ITGB3BP: variants seen among roughly 807,000 people sequenced by gnomAD.
The protein encoded by ITGB3BP is integrin subunit beta 3 binding protein.
ITGB3BP carries 27 observed loss-of-function variants against 29.1 expected under a neutral mutation model. The ratio of observed to expected loss-of-function variants is 0.93; its 90% CI spans 0.68 to 1.28. ITGB3BP has a LOEUF of 1.28. ITGB3BP is among the 50% of genes most tolerant of loss of function. The probability of loss-of-function intolerance (pLI) is 0.00; values close to 1 mark genes in which losing one functional copy is unlikely to be tolerated. For synonymous variants in ITGB3BP, 61 were observed against 61.4 expected, an observed-to-expected ratio of 0.99 and a Z score of 0.03; for missense variants, 192 against 200.2, an observed-to-expected ratio of 0.96 and a Z score of 0.25.
Position 63,454,455 on chromosome 1 carries a change from C to T in ITGB3BP, c.352G>A (p.Glu118Lys). 6.3e-7 allele frequency: 1 copy of T among 1,591,176 alleles called. No individual in the cohort carries two copies. Among genetic ancestry groups the T allele is most frequent in the Non-Finnish European group, 8.6e-7 (1 of 1,163,532 alleles). Residue 118 changes from glutamate (E) to lysine (K), a missense_variant, in exon 6 of 9, where the codon GAG (glutamate) becomes AAG (lysine). Physicochemically the swap from Glu to Lys is moderately conservative, Grantham distance 56. Coordinates refer to ENST00000271002, the MANE Select transcript of ITGB3BP (RefSeq NM_014288.5). The surrounding 1 kb of genome is among the most constrained non-coding windows in gnomAD (Gnocchi z 4.1). ...SSIQALEGSR[E>K]LENLIGISCA... ...GAGATTCCAATGAGATTTTCAAGCT[C>T]TCTACTGCCCTCCAAAGCCTACAAG...
At chr1:63,505,267 C>CTTA (rs1448292809) in intron 2 of ITGB3BP, among the ~76,000 whole-genome samples, 1 of 152,098 alleles carries the variant, frequency 6.6e-6, no homozygotes, top group Non-Finnish European at 1.5e-5. Flanking sequence ...GGAATTTATC[C>CTTA]ATTTCTTCTA....
chr1:63,473,932 C>T (rs1319872837), intron 4 of ITGB3BP, among the ~76,000 whole-genome samples: 2 of 13,208 alleles, frequency 1.5e-4, no homozygotes, highest in African/African-American at 3.5e-4. Context: ...GGGGGGTCAG[C>T]CCCCCGCCCG....
chr1:63,503,456 T>C (rs1331825074), intron 2 of ITGB3BP, among the ~76,000 whole-genome samples: 3 of 152,220 alleles, frequency 2.0e-5, no homozygotes, highest in Non-Finnish European at 4.4e-5. Flanking sequence ...TCCCATTCTG[T>C]AGGTTGCCTG....
intron 3 of ITGB3BP, among the ~76,000 whole-genome samples, chr1:63,483,456 G>GA (rs1645474450): frequency 1.3e-5 from 2 of 151,524 alleles, no homozygotes; most frequent in African/African-American, 4.8e-5. Context: ...TCTGCTACTT[G>GA]AAAAAAAATC....
intron 4 of ITGB3BP, among the ~76,000 whole-genome samples, chr1:63,468,455 C>T (rs1645137345): frequency 6.6e-6 from 1 of 152,140 alleles, no homozygotes; most frequent in Non-Finnish European, 1.5e-5. Context: ...CAGCTGGGCA[C>T]GGTGGCTCAC....
intron 2 of ITGB3BP, among the ~76,000 whole-genome samples, chr1:63,503,819 T>C (rs1646001834): frequency 6.6e-6 from 1 of 152,186 alleles, no homozygotes; most frequent in Non-Finnish European, 1.5e-5. Flanking sequence ...GATCAGATGG[T>C]TGTAGATATG....
chr1:63,443,978 C>T lies in ITGB3BP; in HGVS notation c.*1+2828G>A, dbSNP rs146049475. Among the ~76,000 whole-genome samples, 569 of 151,834 alleles carry T rather than the reference C, an allele frequency of 3.7e-3. 3 individuals are homozygous for T. Among genetic ancestry groups the T allele is most frequent in the Non-Finnish European group, 6.7e-3 (455 of 67,942 alleles). Reference sequence around the variant, plus strand: ...TACACTAAAGTGAAAAGTCAGGGAACGAAGGAGATAATGAAGGAAATGCTC... The same window carrying T: ...TACACTAAAGTGAAAAGTCAGGGAATGAAGGAGATAATGAAGGAAATGCTC... On this transcript the variant is annotated intron_variant, in intron 8 of 8. Transcript: ENST00000271002.
chr1:63,441,207 A>G (rs1644725541), intron 8 of ITGB3BP, 104 bp from the exon 9 acceptor site: 2 of 152,146 alleles, frequency 1.3e-5, no homozygotes, highest in Admixed American at 6.6e-5. Flanking sequence ...CTAGTTTGGT[A>G]CCTAGTTTAG....
At chr1:63,502,107 G>A (rs554073114) in intron 2 of ITGB3BP, among the ~76,000 whole-genome samples, 43 of 152,238 alleles carry the variant, frequency 2.8e-4, no homozygotes, top group Middle Eastern at 3.4e-3. Flanking sequence ...GTAGCCAGTT[G>A]TCCATATAAA....
intron 4 of ITGB3BP, among the ~76,000 whole-genome samples, chr1:63,471,133 G>A (rs112239679): frequency 3.9e-5 from 6 of 152,018 alleles, no homozygotes; most frequent in African/African-American, 7.3e-5. Context: ...ATCTTTTCAC[G>A]CTGGGCTGTA....
chr1:63,450,077 A>G (rs548295320), intron 7 of ITGB3BP, among the ~76,000 whole-genome samples: 2 of 152,058 alleles, frequency 1.3e-5, no homozygotes, highest in Admixed American at 6.5e-5. Context: ...TAACTTTAAA[A>G]TCTATAACCA....
chr1:63,452,234 A>T (rs1433877862), intron 7 of ITGB3BP, among the ~76,000 whole-genome samples: 1 of 152,168 alleles, frequency 6.6e-6, no homozygotes, highest in Non-Finnish European at 1.5e-5. Flanking sequence ...TTGACAGTTC[A>T]CTTATTTATT....
chr1:63,445,713 GCCT>G (rs1407660675), intron 8 of ITGB3BP, among the ~76,000 whole-genome samples: 1 of 151,308 alleles, frequency 6.6e-6, no homozygotes, highest in African/African-American at 2.4e-5. Context: ...TCCCAACTCA[GCCT>G]CCTAAGTAGC....
At chr1:63,488,678 T>C (rs1645580611) in intron 3 of ITGB3BP, among the ~76,000 whole-genome samples, 1 of 152,042 alleles carries the variant, frequency 6.6e-6, no homozygotes, top group South Asian at 2.1e-4. Context: ...CTGGACAAAA[T>C]TCTGTTTCGA....
chr1:63,522,438 C>T (rs957160689), intron 1 of ITGB3BP, among the ~76,000 whole-genome samples: 1 of 152,164 alleles, frequency 6.6e-6, no homozygotes, highest in Non-Finnish European at 1.5e-5. Context: ...ATCCACCCCA[C>T]TCCCCCAACC....
intron 2 of ITGB3BP, among the ~76,000 whole-genome samples, chr1:63,505,756 T>C (rs1646062427): frequency 6.6e-6 from 1 of 152,236 alleles, no homozygotes; most frequent in African/African-American, 2.4e-5. Context: ...TATTTCTGCC[T>C]TCATTTCATT....
intron 4 of ITGB3BP, among the ~76,000 whole-genome samples, chr1:63,465,488 G>A (rs891004952): frequency 6.6e-6 from 1 of 150,606 alleles, no homozygotes; most frequent in Non-Finnish European, 1.5e-5. Context: ...AATCTGCTGC[G>A]CTGGAGTGAT....
At chr1:63,497,532 T>C (rs755648959) in intron 2 of ITGB3BP, among the ~76,000 whole-genome samples, 1 of 152,116 alleles carries the variant, frequency 6.6e-6, no homozygotes, top group Non-Finnish European at 1.5e-5. Context: ...AAATAGAATG[T>C]ATTGGGTGAC....
At chr1:63,492,774 A>AC (rs1645680927) in intron 2 of ITGB3BP, among the ~76,000 whole-genome samples, 1 of 151,770 alleles carries the variant, frequency 6.6e-6, no homozygotes, top group Non-Finnish European at 1.5e-5. Flanking sequence ...ACAAAATAAA[A>AC]AAAAACAAAA....
Sources: gnomAD v4.1 joint callset for allele counts (sites outside exome capture counted in the v4.1 genomes callset) on GRCh38, gnomAD v4.1.1 for gene constraint, Gnocchi (gnomAD v3.1) non-coding constraint, MANE v1.5 for transcripts, NCBI Gene and HGNC (gene_info 2026-07-23, HGNC 2026-07-21) for gene names.